SPATA13: variants seen among roughly 807,000 people sequenced by gnomAD.
SPATA13 encodes spermatogenesis-associated protein 13.
SPATA13 carries 50 observed loss-of-function variants against 104.0 expected under a neutral mutation model. The observed-to-expected ratio is 0.48, with a 90% CI of 0.38 to 0.61. The LOEUF (loss-of-function observed/expected upper bound fraction) is 0.61, where lower values mean the gene tolerates loss of function less well. Among genes scored for constraint, SPATA13 ranks in the 20% least tolerant of loss-of-function variants. The pLI, the probability that SPATA13 is intolerant of heterozygous loss-of-function variation, is 0.00. For synonymous variants in SPATA13, 606 were observed against 667.5 expected, an observed-to-expected ratio of 0.91 and a Z score of 1.42; for missense variants, 1,524 against 1,690.6, an observed-to-expected ratio of 0.90 and a Z score of 1.73.
chr13:24,089,155 G>A (rs78270872), intron 3 of SPATA13, among the ~76,000 whole-genome samples: 8 of 152,336 alleles, frequency 5.3e-5, no homozygotes, highest in South Asian at 2.1e-4. Context: ...GGAAGCACAC[G>A]TAGGAAGAGT....
At chr13:24,247,828 C>T (rs1301577574) in intron 2 of SPATA13, among the ~76,000 whole-genome samples, 1 of 152,094 alleles carries the variant, frequency 6.6e-6, no homozygotes, top group Non-Finnish European at 1.5e-5. Context: ...AGCATTCAGA[C>T]CCTCAGGCTG....
intron 2 of SPATA13, among the ~76,000 whole-genome samples, chr13:23,989,517 G>A (rs1423757048): frequency 6.6e-6 from 1 of 151,884 alleles, no homozygotes; most frequent in Non-Finnish European, 1.5e-5. Context: ...CCAAAATAGC[G>A]TATTATTAAA....
chr13:24,063,980 C>T lies in SPATA13; in HGVS notation c.-112+46279C>T, dbSNP rs556344794. On this transcript the variant is annotated intron_variant, in intron 3 of 14. Coordinates refer to the SPATA13 transcript ENST00000424834. ...CTGCTTCTTCACTGTGTGGCCTCACCGCCTCCAGTGGGTGCCTCTGGAGCA... is the reference window on the plus strand; with the variant it reads ...CTGCTTCTTCACTGTGTGGCCTCACTGCCTCCAGTGGGTGCCTCTGGAGCA... 2.6e-5 allele frequency among the ~76,000 whole-genome samples: 4 copies of T among 152,244 alleles called. No homozygotes were observed. In the East Asian group the frequency reaches 5.8e-4, roughly 22 times the overall value.
Position 24,302,847 on chromosome 13 carries a change from C to T in SPATA13, c.*74C>T, listed in dbSNP as rs752006158. ...TCTTTGTTTCTTGTGTGCTTCAATC[C>T]AGGGAAAGTTTCTTGGACCCAGTGA... On this transcript the variant is annotated 3_prime_UTR_variant, in exon 13 of 13. Transcript: ENST00000382108. 38 of 1,596,176 alleles carry T rather than the reference C, an allele frequency of 2.4e-5. No individual in the cohort carries two copies. Among genetic ancestry groups the T allele is most frequent in the Non-Finnish European group, 2.7e-5 (32 of 1,167,636 alleles).
At chr13:24,219,362 A>C (rs1247269085) in intron 1 of SPATA13, among the ~76,000 whole-genome samples, 1 of 152,260 alleles carries the variant, frequency 6.6e-6, no homozygotes, top group Non-Finnish European at 1.5e-5. Flanking sequence ...TTTAAAAAGC[A>C]TATTGTCCCA....
At position 24,257,978 on chromosome 13, in the gene SPATA13, G is replaced by T. The variant is rs1873871005; in HGVS notation, c.2164+6116G>T. 2.0e-5 allele frequency among the ~76,000 whole-genome samples: 3 copies of T among 152,264 alleles called. No individual in the cohort carries two copies. In the South Asian group the frequency reaches 6.2e-4, roughly 32 times the overall value. ...TTGAAAACGTGCTCTGAAACGATAA[G>T]AATTCTGGATTCTGGGCAGGTGTGG... On this transcript the variant is annotated intron_variant, in intron 4 of 12. Transcript: ENST00000382108.
At chr13:24,004,293 C>T (rs527429808) in intron 2 of SPATA13, among the ~76,000 whole-genome samples, 7 of 152,302 alleles carry the variant, frequency 4.6e-5, no homozygotes, top group African/African-American at 1.2e-4. Context: ...AGTGAAATCC[C>T]GGTTCTTGTA....
chr13:24,124,499 G>T (rs1389017474), intron 3 of SPATA13, among the ~76,000 whole-genome samples: 1 of 152,220 alleles, frequency 6.6e-6, no homozygotes, highest in East Asian at 1.9e-4. Context: ...TTTCTCGAAG[G>T]AAGGTGGATG....
intron 3 of SPATA13, among the ~76,000 whole-genome samples, chr13:24,043,285 C>G (rs760820157): frequency 9.9e-5 from 15 of 151,466 alleles, no homozygotes; most frequent in Middle Eastern, 3.4e-3. Context: ...GGGTTGGAGC[C>G]TAGGAGTCCA....
rs569527797 is a variant in SPATA13, at chr13:24,138,303, C to T, written c.-111-84516C>T. Among the ~76,000 whole-genome samples, 311 of 62,980 alleles carry T rather than the reference C, an allele frequency of 4.9e-3. 1 individual carries two copies. Among genetic ancestry groups the T allele is most frequent in the African/African-American group, 0.021 (281 of 13,664 alleles). The allele number at this position is 62,980 out of a possible 152,430, so 41.3% of individuals were successfully genotyped here. A position where few individuals can be genotyped will look rare whatever the true frequency, so the allele number is the denominator to read the frequency against. ...CCCAGGGGACAGAGCAAGACTCCGT[C>T]TGAAAAAAAAAAAAAAAACAGTTTT... On this transcript the variant is annotated intron_variant, in intron 3 of 14. Coordinates refer to the SPATA13 transcript ENST00000424834.
chr13:24,195,157 C>G (rs1391489383), intron 1 of SPATA13, among the ~76,000 whole-genome samples: 2 of 152,156 alleles, frequency 1.3e-5, no homozygotes, highest in Non-Finnish European at 2.9e-5. Context: ...CCTCCTGTCT[C>G]TATGGATTTG....
At position 24,222,984 on chromosome 13, in the gene SPATA13, G is replaced by A; in HGVS notation, c.55G>A (p.Ala19Thr). ...ACCCTGCCTGGAGAACATGACCACTGCCCCAAACGGCCTCGGGCCAGGCCC... is the reference window on the plus strand; with the variant it reads ...ACCCTGCCTGGAGAACATGACCACTACCCCAAACGGCCTCGGGCCAGGCCC... ...WAPCLENMTT[A>T]PNGLGPGPAA... Residue 19 changes from alanine to threonine, a missense_variant, in exon 2 of 13, where the codon GCC (alanine) becomes ACC (threonine). Ala to Thr is a moderately conservative substitution (Grantham distance 58, BLOSUM62 0). Coordinates refer to ENST00000382108, the MANE Select transcript of SPATA13 (RefSeq NM_001166271.3). 5 of 1,551,236 alleles carry A rather than the reference G, an allele frequency of 3.2e-6. No individual in the cohort carries two copies. The highest frequency in any genetic ancestry group is 4.4e-6 in the Non-Finnish European group (5 of 1,146,698).
chr13:24,153,716 C>T (rs1480303339), intron 3 of SPATA13, among the ~76,000 whole-genome samples: 1 of 152,192 alleles, frequency 6.6e-6, no homozygotes, highest in Non-Finnish European at 1.5e-5. Flanking sequence ...TTATGTGGAT[C>T]TACACAGGAG....
intron 1 of SPATA13, among the ~76,000 whole-genome samples, chr13:24,216,364 G>A (rs534842233): frequency 6.6e-6 from 1 of 152,262 alleles, no homozygotes; most frequent in South Asian, 2.1e-4. Flanking sequence ...CCCTATTGGG[G>A]AAACACCATT....
chr13:24,156,533 A>G (rs1466480781), upstream of SPATA13, among the ~76,000 whole-genome samples: 1 of 152,218 alleles, frequency 6.6e-6, no homozygotes, highest in Non-Finnish European at 1.5e-5. Flanking sequence ...CAGCACCCCA[A>G]TAGCCAAATA....
intron 3 of SPATA13, among the ~76,000 whole-genome samples, chr13:24,115,957 G>A (rs1366181415): frequency 1.3e-5 from 2 of 152,186 alleles, no homozygotes; most frequent in Non-Finnish European, 1.5e-5. Context: ...GGTGACTCAG[G>A]AGAGGACAAG....
chr13:24,275,514 G>A (rs1406653956), intron 4 of SPATA13, among the ~76,000 whole-genome samples: 1 of 152,188 alleles, frequency 6.6e-6, no homozygotes, highest in Non-Finnish European at 1.5e-5. Flanking sequence ...CTGAAGCTGC[G>A]GGAAGTGTTG....
At chr13:24,152,793 A>G (rs181420789) in intron 3 of SPATA13, among the ~76,000 whole-genome samples, 1 of 152,314 alleles carries the variant, frequency 6.6e-6, no homozygotes, top group East Asian at 1.9e-4. Context: ...AGCCACTCCA[A>G]GTCCTTATCA....
chr13:24,288,173 C>T (rs186539953), intron 7 of SPATA13, among the ~76,000 whole-genome samples: 1 of 152,340 alleles, frequency 6.6e-6, no homozygotes, highest in Non-Finnish European at 1.5e-5. Flanking sequence ...CAGCATTCCC[C>T]CTGAGCAGGT....
Sources: gnomAD v4.1 joint callset for allele counts (sites outside exome capture counted in the v4.1 genomes callset) on GRCh38, gnomAD v4.1.1 for gene constraint, MANE v1.5 for transcripts, NCBI Gene and HGNC (gene_info 2026-07-23, HGNC 2026-07-21) for gene names.